The following SIMC1 variants were observed in gnomAD, a reference collection of about 807,000 sequenced individuals.
SIMC1 encodes SUMO-interacting motif-containing protein 1.
Under a neutral mutation model 82.3 loss-of-function variants are expected in SIMC1, and 55 were observed. That is an observed-to-expected ratio of 0.67 (90% confidence interval 0.54 to 0.84). The LOEUF is 0.84. Among genes scored for constraint, SIMC1 ranks in the 40% least tolerant of loss-of-function variants. The pLI, the probability that SIMC1 is intolerant of heterozygous loss-of-function variation, is 0.00. For synonymous variants in SIMC1, 353 were observed against 426.3 expected (o/e 0.83, Z 2.12); for missense variants, 915 against 1,107.2 (o/e 0.83, Z 2.46).
intron 4 of SIMC1, among the ~76,000 whole-genome samples, chr5:176,307,277 GAGTTTC>G (rs1385005896): frequency 6.6e-6 from 1 of 152,226 alleles, no homozygotes; most frequent in African/African-American, 2.4e-5. Context: ...AATGGATATA[GAGTTTC>G]AGTTTTGCAA....
At chr5:176,274,446 T>G (rs1241026421) in intron 1 of SIMC1, among the ~76,000 whole-genome samples, 4 of 151,798 alleles carry the variant, frequency 2.6e-5, no homozygotes, top group Non-Finnish European at 4.4e-5. Flanking sequence ...TTTCTCCAAT[T>G]TTGTGGGTTG....
rs1027902065 is a variant in SIMC1 at position 176,277,018 on chromosome 5, G to A, written c.130-12636G>A. ...TCCAGTTCCAGATCCCTGAGGAATC[G>A]CCACACTGACTTCCACAATGGTTGA... On this transcript the variant is annotated intron_variant, in intron 1 of 9. Transcript: ENST00000429602. 1.9e-3 allele frequency among the ~76,000 whole-genome samples: 287 copies of A among 151,084 alleles called. 2 individuals carry two copies. Among genetic ancestry groups the A allele is most frequent in the Middle Eastern group, 0.01 (3 of 294 alleles).
chr5:176,257,159 AT>A (rs1761873771), intron 1 of SIMC1, among the ~76,000 whole-genome samples: 1 of 152,036 alleles, frequency 6.6e-6, no homozygotes, highest in Non-Finnish European at 1.5e-5. Context: ...TTCCTGTTTT[AT>A]TTTTATAGTT....
At chr5:176,321,251 G>C (rs977941170) in intron 5 of SIMC1, among the ~76,000 whole-genome samples, 4 of 151,626 alleles carry the variant, frequency 2.6e-5, no homozygotes, top group African/African-American at 9.7e-5. Flanking sequence ...CTGTTTTATA[G>C]TACCAAGATT....
chr5:176,343,833 G>A (rs1368666123), intron 9 of SIMC1, among the ~76,000 whole-genome samples: 2 of 151,690 alleles, frequency 1.3e-5, no homozygotes, highest in African/African-American at 4.9e-5. Flanking sequence ...TAGCTCTGTC[G>A]TCCAGGCTGG....
At chr5:176,255,730 A>G (rs1038967723) in intron 1 of SIMC1, among the ~76,000 whole-genome samples, 7 of 150,268 alleles carry the variant, frequency 4.7e-5, no homozygotes, top group African/African-American at 1.7e-4. Flanking sequence ...CTAAAAAAAA[A>G]AAAAGAAAAG....
chr5:176,307,116 A>G (rs1431683350), intron 4 of SIMC1, among the ~76,000 whole-genome samples: 2 of 152,168 alleles, frequency 1.3e-5, no homozygotes, highest in African/African-American at 2.4e-5. Context: ...GTCACCTCAT[A>G]CCAATTAGAA....
chr5:176,278,782 G>C (rs1762839300), intron 1 of SIMC1, among the ~76,000 whole-genome samples: 1 of 145,638 alleles, frequency 6.9e-6, no homozygotes, highest in Non-Finnish European at 1.5e-5. Context: ...AACCAGTCTT[G>C]CATCCCAGGG....
intron 1 of SIMC1, among the ~76,000 whole-genome samples, chr5:176,256,692 A>G (rs559079811): frequency 5.4e-4 from 82 of 152,228 alleles, no homozygotes; most frequent in Non-Finnish European, 1.1e-3. Flanking sequence ...AGATTATAAA[A>G]TATGGTGTTA....
intron 7 of SIMC1, among the ~76,000 whole-genome samples, chr5:176,324,978 T>C (rs1404361232): frequency 6.6e-6 from 1 of 152,202 alleles, no homozygotes; most frequent in Admixed American, 6.5e-5. Context: ...TAATTATTAT[T>C]ATTTACAACT....
intron 6 of SIMC1, among the ~76,000 whole-genome samples, chr5:176,323,691 C>G (rs1765254860): frequency 6.6e-6 from 1 of 152,138 alleles, no homozygotes; most frequent in Non-Finnish European, 1.5e-5. Flanking sequence ...TCTTCCATCA[C>G]AGATAACATG....
At position 176,259,170 on chromosome 5, in the gene SIMC1, A is replaced by G. The variant is rs371513475; in HGVS notation, c.129+20533A>G. 5.3e-5 allele frequency among the ~76,000 whole-genome samples: 8 copies of G among 152,372 alleles called. No individual in the cohort carries two copies. In the East Asian group the frequency reaches 9.6e-4, roughly 18 times the overall value. ...TTGAAAAATAAATTTTTCCCATTTT[A>G]AATTATAAACATTAGGCTGGGCATG... is the stretch of plus-strand genomic sequence containing the variant. On this transcript the variant is annotated intron_variant, in intron 1 of 9. Coordinates refer to ENST00000429602, the MANE Select transcript of SIMC1 (RefSeq NM_001308195.2).
intron 1 of SIMC1, among the ~76,000 whole-genome samples, chr5:176,271,858 ATATTATATATAATATATAAT>A (rs1302765592): frequency 4.8e-4 from 70 of 145,816 alleles, no homozygotes; most frequent in African/African-American, 1.5e-3. Flanking sequence ...CCATAGATAT[ATATTATATATAATATATAAT>A]TATTATATAT....
In SIMC1 at chr5:176,290,665, C is replaced by T. The variant is rs71599489; in HGVS notation, c.1141C>T (p.Arg381Cys). 2.4e-5 allele frequency: 39 copies of T among 1,614,028 alleles called. No individual in the cohort carries two copies. Among genetic ancestry groups the T allele is most frequent in the Middle Eastern group, 1.6e-4 (1 of 6,062 alleles). Residue 381 changes from arginine (R) to cysteine (C), a missense_variant, in exon 2 of 10, where the codon CGT becomes TGT. Arg to Cys is a radical substitution (Grantham distance 180). This residue lies in a region of SIMC1 where 902 missense variants were observed against 1,040.3 expected (regional missense o/e 0.87). Transcript: ENST00000429602. ...PDFTQNDVQN[R>C]DMPMDISALS... ...CTTTACCCAGAATGATGTACAGAAC[C>T]GTGACATGCCTATGGATATCTCAGC...
intron 5 of SIMC1, among the ~76,000 whole-genome samples, chr5:176,321,053 A>G (rs950192043): frequency 2.0e-5 from 3 of 152,028 alleles, no homozygotes; most frequent in African/African-American, 7.2e-5. Flanking sequence ...TACACCCCTC[A>G]TCACCCACCT....
At chr5:176,267,916 C>CAGCCAGATTTTT in intron 1 of SIMC1, among the ~76,000 whole-genome samples, 1 of 149,582 alleles carries the variant, frequency 6.7e-6, no homozygotes, top group Admixed American at 6.7e-5. Flanking sequence ...ACCATCACGC[C>CAGCCAGATTTTT]AGCCAGATTT....
intron 1 of SIMC1, among the ~76,000 whole-genome samples, chr5:176,285,255 C>T (rs1002881673): frequency 1.3e-5 from 2 of 152,022 alleles, no homozygotes; most frequent in African/African-American, 2.4e-5. Context: ...ACTGGCAAAC[C>T]GAATCCAGCA....
chr5:176,262,800 G>A (rs1762062623), intron 1 of SIMC1, among the ~76,000 whole-genome samples: 1 of 151,988 alleles, frequency 6.6e-6, no homozygotes. Flanking sequence ...GTGAGACTCT[G>A]TCTCAAAAAA....
At chr5:176,244,958 T>C (rs1761389022) in intron 1 of SIMC1, among the ~76,000 whole-genome samples, 1 of 152,124 alleles carries the variant, frequency 6.6e-6, no homozygotes, top group African/African-American at 2.4e-5. Context: ...TGACCTCAAG[T>C]GATCCACCCA....
Sources: gnomAD v4.1 joint callset for allele counts (sites outside exome capture counted in the v4.1 genomes callset) on GRCh38, gnomAD v4.1.1 for gene constraint, gnomAD v4.1.1 regional missense constraint, MANE v1.5 for transcripts, NCBI Gene and HGNC (gene_info 2026-07-23, HGNC 2026-07-21) for gene names.